DLG2: variants seen among roughly 807,000 people sequenced by gnomAD.
The protein encoded by DLG2 is discs large MAGUK scaffold protein 2, also known as disks large homolog 2.
In DLG2, 45 loss-of-function variants were observed where a neutral mutation model predicts 132.5. The ratio of observed to expected loss-of-function variants is 0.34; its 90% CI spans 0.27 to 0.44. The LOEUF (loss-of-function observed/expected upper bound fraction) is 0.44. DLG2 is among the 20% of genes least tolerant of loss of function. DLG2 has a pLI of 1.00. For synonymous variants in DLG2, 424 were observed against 419.6 expected, an observed-to-expected ratio of 1.01 and a Z score of -0.13; for missense variants, 1,045 against 1,196.9, an observed-to-expected ratio of 0.87 and a Z score of 1.87.
chr11:84,923,092 G>A, intron 6 of DLG2: 1 of 1,613,952 alleles, frequency 6.2e-7, no homozygotes, highest in Non-Finnish European at 8.5e-7. Context: ...CGTTAGTCCG[G>A]AGTGCACAGT....
chr11:84,923,797 C>G (rs949246482), intron 6 of DLG2, among the ~76,000 whole-genome samples: 6 of 152,118 alleles, frequency 3.9e-5, no homozygotes, highest in African/African-American at 1.4e-4. Flanking sequence ...CTGGGGTGAT[C>G]TGTGGTTAAA....
intron 18 of DLG2, among the ~76,000 whole-genome samples, chr11:83,668,876 T>TTTTTA (rs1419365100): frequency 6.7e-6 from 1 of 148,980 alleles, no homozygotes; most frequent in African/African-American, 2.5e-5. Context: ...TATTTTTTTT[T>TTTTTA]TATGATAGAC....
intron 3 of DLG2, among the ~76,000 whole-genome samples, chr11:85,388,193 C>A (rs968828465): frequency 2.6e-5 from 4 of 152,114 alleles, no homozygotes; most frequent in African/African-American, 9.7e-5. Context: ...CTTTTCCCCA[C>A]TTCCCTGGTG....
chr11:83,710,710 G>A (rs924583264), intron 18 of DLG2, among the ~76,000 whole-genome samples: 3 of 152,148 alleles, frequency 2.0e-5, no homozygotes, highest in East Asian at 3.8e-4. Context: ...GGACATGAGA[G>A]ACATTTAGGG....
chr11:85,310,430 G>A (rs1312422411), intron 3 of DLG2, among the ~76,000 whole-genome samples: 8 of 152,182 alleles, frequency 5.3e-5, no homozygotes, highest in African/African-American at 1.7e-4. Flanking sequence ...AAAAATAACT[G>A]CAGGATTTCC....
chr11:83,475,982 GTCGCCACAA>G (rs1395684431), intron 22 of DLG2, among the ~76,000 whole-genome samples: 1 of 152,046 alleles, frequency 6.6e-6, no homozygotes, highest in Non-Finnish European at 1.5e-5. Context: ...TTTTGTCACA[GTCGCCACAA>G]AACACTATGT....
chr11:83,699,849 G>A (rs2082590329), intron 18 of DLG2, among the ~76,000 whole-genome samples: 1 of 150,682 alleles, frequency 6.6e-6, no homozygotes, highest in South Asian at 2.1e-4. Context: ...TTCCATGTAT[G>A]TATGTATGTA....
At chr11:85,424,134 C>T (rs1001240175) in intron 3 of DLG2, among the ~76,000 whole-genome samples, 1 of 152,210 alleles carries the variant, frequency 6.6e-6, no homozygotes, top group African/African-American at 2.4e-5. Context: ...TCTACACTGA[C>T]TCAGCTCCAG....
chr11:84,005,210 A>G (rs112984967), intron 11 of DLG2, among the ~76,000 whole-genome samples: 17 of 152,030 alleles, frequency 1.1e-4, no homozygotes, highest in African/African-American at 3.6e-4. Flanking sequence ...TTTATAGCCA[A>G]CTGACATTTG....
At chr11:83,499,199 T>C (rs2094314944) in intron 21 of DLG2, among the ~76,000 whole-genome samples, 2 of 152,170 alleles carry the variant, frequency 1.3e-5, no homozygotes, top group Admixed American at 1.3e-4. Flanking sequence ...TCCCAACTTA[T>C]TCTATGAGGC....
chr11:85,384,421 T>G (rs1468300749), intron 3 of DLG2, among the ~76,000 whole-genome samples: 1 of 152,208 alleles, frequency 6.6e-6, no homozygotes, highest in African/African-American at 2.4e-5. Flanking sequence ...CAAAGATGGT[T>G]CATTGAACTA....
chr11:84,668,319 G>C (rs1270080012), intron 6 of DLG2, among the ~76,000 whole-genome samples: 1 of 152,124 alleles, frequency 6.6e-6, no homozygotes, highest in Admixed American at 6.5e-5. Context: ...CTATCCCATA[G>C]TGTGTTTGTA....
chr11:84,210,460 G>A (rs1173792433), intron 8 of DLG2, among the ~76,000 whole-genome samples: 2 of 148,972 alleles, frequency 1.3e-5, no homozygotes. Flanking sequence ...TGGGTGCAGC[G>A]CACCAGCATG....
At chr11:85,042,240 G>A (rs886483935) in intron 6 of DLG2, among the ~76,000 whole-genome samples, 4 of 151,864 alleles carry the variant, frequency 2.6e-5, no homozygotes, top group African/African-American at 9.7e-5. Context: ...GAGAATTGTT[G>A]GCATATTCAT....
intron 9 of DLG2, among the ~76,000 whole-genome samples, chr11:84,150,282 T>A (rs1029439060): frequency 6.6e-6 from 1 of 152,202 alleles, no homozygotes; most frequent in Non-Finnish European, 1.5e-5. Context: ...CCTTTTTGGT[T>A]AGATGGATTC....
intron 11 of DLG2, among the ~76,000 whole-genome samples, chr11:84,015,115 TAA>T (rs1443016558): frequency 6.6e-6 from 1 of 152,170 alleles, no homozygotes; most frequent in Non-Finnish European, 1.5e-5. Flanking sequence ...ATTCAATAAA[TAA>T]GTGTCAAAAC....
intron 6 of DLG2, among the ~76,000 whole-genome samples, chr11:84,893,278 T>G (rs993851930): frequency 6.6e-6 from 1 of 152,196 alleles, no homozygotes; most frequent in Non-Finnish European, 1.5e-5. Flanking sequence ...AGTTCGACCC[T>G]GCATCCTGCC....
intron 6 of DLG2, among the ~76,000 whole-genome samples, chr11:85,041,939 C>T (rs2061904306): frequency 6.6e-6 from 1 of 151,730 alleles, no homozygotes; most frequent in Non-Finnish European, 1.5e-5. Context: ...AGAAGTGAGG[C>T]AGATGGGAGG....
chr11:85,508,000 C>T (rs1014171765), intron 3 of DLG2, among the ~76,000 whole-genome samples: 1 of 152,034 alleles, frequency 6.6e-6, no homozygotes, highest in Non-Finnish European at 1.5e-5. Flanking sequence ...GATCAAATTG[C>T]TACTGAAGCT....
Sources: allele counts gnomAD v4.1 joint callset (sites outside exome capture counted in the v4.1 genomes callset), GRCh38; gene constraint gnomAD v4.1.1; transcripts MANE v1.5; gene names NCBI Gene and HGNC (gene_info 2026-07-23, HGNC 2026-07-21).